Variants in VWA8 observed in about 807,000 individuals in gnomAD.
The protein encoded by VWA8 is von Willebrand factor A domain-containing protein 8.
A neutral mutation model predicts 241.5 loss-of-function variants in VWA8; 221 were observed. The observed-to-expected ratio is 0.91, with a 90% CI of 0.82 to 1.02. VWA8 has a LOEUF of 1.02. VWA8 is among the 50% of genes least tolerant of loss of function. The pLI is 0.00. For missense variants in VWA8, 2,322 were observed against 2,328.7 expected (o/e 1.00, Z 0.06); for synonymous variants, 852 against 827.1 (o/e 1.03, Z -0.52).
intron 37 of VWA8, among the ~76,000 whole-genome samples, chr13:41,617,912 A>T (rs2044632105): frequency 6.6e-6 from 1 of 151,352 alleles, no homozygotes; most frequent in East Asian, 1.9e-4. Flanking sequence ...AGTCTTTGCT[A>T]TTGTGAATAG....
At chr13:41,659,549 G>A (rs2044934354) in intron 37 of VWA8, among the ~76,000 whole-genome samples, 1 of 152,140 alleles carries the variant, frequency 6.6e-6, no homozygotes, top group Non-Finnish European at 1.5e-5. Flanking sequence ...TAGTATTAGT[G>A]AAAACAGTGT....
At chr13:41,939,374 T>C (rs1877493448) in intron 2 of VWA8, among the ~76,000 whole-genome samples, 1 of 151,914 alleles carries the variant, frequency 6.6e-6, no homozygotes. Flanking sequence ...CATAGAAAAG[T>C]AAAAAAGCAT....
intron 12 of VWA8, among the ~76,000 whole-genome samples, chr13:41,837,905 T>C (rs1007799755): frequency 6.6e-6 from 1 of 152,196 alleles, no homozygotes; most frequent in Admixed American, 6.5e-5. Context: ...TTTCTGCATT[T>C]CCTTAACATT....
chr13:41,669,017 G>T (rs77562865), intron 37 of VWA8, among the ~76,000 whole-genome samples: 2 of 152,092 alleles, frequency 1.3e-5, no homozygotes, highest in East Asian at 3.9e-4. Context: ...TGCCCAGGCT[G>T]GGGGGCAGTG....
chr13:41,810,352 T>C (rs943712628), intron 17 of VWA8, among the ~76,000 whole-genome samples: 3 of 152,056 alleles, frequency 2.0e-5, no homozygotes, highest in African/African-American at 7.2e-5. Context: ...CTATTCACAA[T>C]AGCTAAGATT....
At chr13:41,916,685 A>G (rs940961197) in intron 2 of VWA8, among the ~76,000 whole-genome samples, 1 of 152,216 alleles carries the variant, frequency 6.6e-6, no homozygotes, top group Non-Finnish European at 1.5e-5. Flanking sequence ...ATGCAGTGCT[A>G]TGTGGTATCT....
chr13:41,806,919 T>A (rs558844272), intron 17 of VWA8, among the ~76,000 whole-genome samples: 1 of 150,126 alleles, frequency 6.7e-6, no homozygotes, highest in Non-Finnish European at 1.5e-5. Flanking sequence ...GAAAAGTTAG[T>A]TTTTTGCAAA....
chr13:41,784,048 A>G (rs1869025110), intron 18 of VWA8, 147 bp from the exon 19 acceptor site: 1 of 623,138 alleles, frequency 1.6e-6, no homozygotes, highest in Non-Finnish European at 2.8e-6. Context: ...GTAGTAATAA[A>G]ACACCACAGC....
intron 14 of VWA8, among the ~76,000 whole-genome samples, chr13:41,824,207 G>C (rs1871084237): frequency 6.6e-6 from 1 of 152,206 alleles, no homozygotes; most frequent in Non-Finnish European, 1.5e-5. Context: ...AGGAATAGCA[G>C]AAGTTTGCTG....
intron 21 of VWA8, among the ~76,000 whole-genome samples, chr13:41,741,670 T>C (rs965336344): frequency 6.6e-6 from 1 of 152,144 alleles, no homozygotes; most frequent in Non-Finnish European, 1.5e-5. Flanking sequence ...AGCCAAAGAA[T>C]AAACACATGA....
At chr13:41,713,474 C>T (rs893149044) in intron 26 of VWA8, among the ~76,000 whole-genome samples, 4 of 151,908 alleles carry the variant, frequency 2.6e-5, no homozygotes, top group African/African-American at 9.7e-5. Flanking sequence ...CTTATTTTGC[C>T]TGAAACACAA....
chr13:41,826,823 G>T (rs1871192483), intron 14 of VWA8, among the ~76,000 whole-genome samples: 1 of 152,066 alleles, frequency 6.6e-6, no homozygotes, highest in African/African-American at 2.4e-5. Context: ...GCAGTGAGCC[G>T]AGATTGTGCC....
chr13:41,866,160 C>A lies in VWA8; in HGVS notation c.1213-124G>T, dbSNP rs143963238. On this transcript the variant is annotated intron_variant, in intron 10 of 44. Transcript: ENST00000379310. ...GTTAGTAGTTCGAGACCAGCCTGGC[C>A]AATATGGTGAAACCCCATCTCTACA... The A allele has an allele frequency of 3.8e-3, 4,673 of 1,225,250 alleles. 14 individuals are homozygous for A. Among genetic ancestry groups the A allele is most frequent in the Non-Finnish European group, 4.8e-3 (4,343 of 896,648 alleles). 75.9% of individuals were successfully genotyped at this position (1,225,250 alleles called of 1,614,324 possible).
intron 37 of VWA8, among the ~76,000 whole-genome samples, chr13:41,654,754 A>G (rs971433079): frequency 3.3e-5 from 5 of 152,160 alleles, no homozygotes; most frequent in Non-Finnish European, 7.4e-5. Flanking sequence ...AATGATGCGT[A>G]AGCTGGATCT....
In VWA8 at chr13:41,703,330, T is replaced by C. The variant is rs369110157; in HGVS notation, c.3198A>G (p.Pro1066=). The C allele has an allele frequency of 1.2e-6, 2 of 1,613,946 alleles. No individual in the cohort carries two copies. The highest frequency in any genetic ancestry group is 2.7e-5 in the African/African-American group (2 of 74,938). Residue 1066 remains proline (P), a synonymous_variant, in exon 27 of 45, where the codon CCA becomes CCG. Transcript: ENST00000379310. ...ARSGMQKLLC[P]VETHHIDIKG... ...TTATGTCTATATGATGAGTTTCCAC[T>C]GGACACAAGAGTTTTTGCATCCCAC...
intron 1 of VWA8, among the ~76,000 whole-genome samples, chr13:41,953,898 A>T (rs1397441903): frequency 6.6e-6 from 1 of 152,254 alleles, no homozygotes; most frequent in African/African-American, 2.4e-5. Context: ...AATCAGTAAC[A>T]AAAAGGTAAC....
At chr13:41,879,995 C>T (rs147323511) in intron 9 of VWA8, among the ~76,000 whole-genome samples, 388 of 152,276 alleles carry the variant, frequency 2.5e-3, no homozygotes, top group African/African-American at 9.0e-3. Context: ...AAGTCTCTGC[C>T]AAGGGTCAAC....
chr13:41,721,267 TTATTG>T, intron 25 of VWA8, 98 bp downstream of exon 25: 1 of 1,149,658 alleles, frequency 8.7e-7, no homozygotes, highest in Non-Finnish European at 1.2e-6. Context: ...ATCTGACTCA[TTATTG>T]TATTTATGGA....
At chr13:41,757,745 G>A (rs1450444390) in intron 21 of VWA8, among the ~76,000 whole-genome samples, 2 of 151,592 alleles carry the variant, frequency 1.3e-5, no homozygotes, top group East Asian at 1.9e-4. Flanking sequence ...TGAAATATGT[G>A]GTTGACCTAT....
Sources: allele counts gnomAD v4.1 joint callset (sites outside exome capture counted in the v4.1 genomes callset), GRCh38; gene constraint gnomAD v4.1.1; transcripts MANE v1.5; gene names NCBI Gene and HGNC (gene_info 2026-07-23, HGNC 2026-07-21).